PCLO: variants seen among roughly 807,000 people sequenced by gnomAD.
PCLO encodes protein piccolo.
A neutral mutation model predicts 427.5 loss-of-function variants in PCLO; 82 were observed. The observed-to-expected ratio is 0.19, with a 90% CI of 0.16 to 0.23. The LOEUF is 0.23. Among genes scored for constraint, PCLO ranks in the 10% least tolerant of loss-of-function variants. PCLO has a pLI of 1.00. For missense variants in PCLO, 6,239 were observed against 6,115.9 expected (o/e 1.02, Z -0.67); for synonymous variants, 2,357 against 2,155.4 (o/e 1.09, Z -2.59).
At chr7:82,921,697 T>G (rs1794598720) in intron 6 of PCLO, among the ~76,000 whole-genome samples, 1 of 151,984 alleles carries the variant, frequency 6.6e-6, no homozygotes, top group South Asian at 2.1e-4. Context: ...AAAGATTTCA[T>G]GATGAAGACT....
intron 3 of PCLO, among the ~76,000 whole-genome samples, chr7:82,975,694 G>A (rs1472529647): frequency 1.3e-5 from 2 of 152,126 alleles, no homozygotes; most frequent in Non-Finnish European, 2.9e-5. Context: ...TTGGCTCTGT[G>A]TCCCCACCAA....
At chr7:82,871,973 T>G (rs879939947) in intron 10 of PCLO, among the ~76,000 whole-genome samples, 4 of 151,984 alleles carry the variant, frequency 2.6e-5, no homozygotes, top group Non-Finnish European at 5.9e-5. Flanking sequence ...AACTTAATTC[T>G]TTGAGCTTAA....
At chr7:83,104,059 T>C (rs751726162) in intron 3 of PCLO, among the ~76,000 whole-genome samples, 8 of 152,016 alleles carry the variant, frequency 5.3e-5, no homozygotes, top group Non-Finnish European at 8.8e-5. Flanking sequence ...ATTAAAGCCT[T>C]TTATTCTCTA....
intron 6 of PCLO, among the ~76,000 whole-genome samples, chr7:82,920,680 C>G (rs1794575522): frequency 1.3e-5 from 2 of 151,506 alleles, no homozygotes. Context: ...GCAATTTATA[C>G]CATTTCTATA....
chr7:82,904,916 A>G (rs1198189406), intron 8 of PCLO, among the ~76,000 whole-genome samples: 2 of 152,056 alleles, frequency 1.3e-5, no homozygotes, highest in Non-Finnish European at 2.9e-5. Flanking sequence ...TCAGAAACAC[A>G]AAGCTGCCAT....
At position 82,862,882 on chromosome 7, in the gene PCLO, G is replaced by T. The variant is rs145472765; in HGVS notation, c.13655-15635C>A. Among the ~76,000 whole-genome samples, 1,305 of 152,046 alleles carry T rather than the reference G, an allele frequency of 8.6e-3. 14 individuals carry two copies. Among genetic ancestry groups the T allele is most frequent in the Admixed American group, 0.026 (391 of 15,224 alleles). ...ATAGTAGTAGGGAGTTGGAGGGAAGGTGGGGATGGTTAAAGGGTACAAAAA... is the reference window on the plus strand; with the variant it reads ...ATAGTAGTAGGGAGTTGGAGGGAAGTTGGGGATGGTTAAAGGGTACAAAAA... On this transcript the variant is annotated intron_variant, in intron 10 of 24. Coordinates refer to ENST00000333891, the MANE Select transcript of PCLO (RefSeq NM_033026.6).
intron 10 of PCLO, among the ~76,000 whole-genome samples, chr7:82,870,920 C>T (rs1188002400): frequency 6.6e-6 from 1 of 151,632 alleles, no homozygotes; most frequent in African/African-American, 2.4e-5. Flanking sequence ...AAAAATGGCT[C>T]TTTTCAAAAT....
chr7:83,142,429 T>C (rs1304349668), intron 2 of PCLO, among the ~76,000 whole-genome samples: 1 of 152,182 alleles, frequency 6.6e-6, no homozygotes, highest in African/African-American at 2.4e-5. Context: ...AGTAAGAGAT[T>C]CCCAGTCAAC....
intron 3 of PCLO, among the ~76,000 whole-genome samples, chr7:83,045,036 A>G (rs1320225043): frequency 6.6e-6 from 1 of 152,206 alleles, no homozygotes; most frequent in Admixed American, 6.5e-5. Context: ...CTTATAAACT[A>G]TGATAGTTGT....
intron 9 of PCLO, among the ~76,000 whole-genome samples, chr7:82,900,265 T>G (rs1163983860): frequency 6.6e-6 from 1 of 151,650 alleles, no homozygotes; most frequent in Non-Finnish European, 1.5e-5. Flanking sequence ...GTCCACATGT[T>G]CCATTGTCTA....
intron 3 of PCLO, among the ~76,000 whole-genome samples, chr7:83,020,157 C>T (rs908537704): frequency 2.6e-5 from 4 of 151,888 alleles, no homozygotes; most frequent in African/African-American, 9.7e-5. Context: ...TAAAGTAGAC[C>T]TTTTATTACT....
chr7:82,772,798 T>A (rs1382225636), intron 22 of PCLO, among the ~76,000 whole-genome samples: 1 of 152,202 alleles, frequency 6.6e-6, no homozygotes, highest in South Asian at 2.1e-4. Context: ...TTACTGTGTC[T>A]GAAAATAACC....
chr7:82,888,425 C>T (rs1255688216), intron 9 of PCLO, among the ~76,000 whole-genome samples: 1 of 152,168 alleles, frequency 6.6e-6, no homozygotes, highest in Non-Finnish European at 1.5e-5. Flanking sequence ...ATCCAAATCA[C>T]ATGGAGTAGC....
intron 22 of PCLO, among the ~76,000 whole-genome samples, chr7:82,800,850 G>A (rs1310580582): frequency 6.6e-6 from 1 of 151,978 alleles, no homozygotes; most frequent in Non-Finnish European, 1.5e-5. Flanking sequence ...CTCCCAAAGT[G>A]CTGGGATTTC....
intron 3 of PCLO, among the ~76,000 whole-genome samples, chr7:83,076,789 T>C (rs186851634): frequency 1.3e-5 from 2 of 151,906 alleles, no homozygotes; most frequent in Admixed American, 6.6e-5. Context: ...TAGCAATGAA[T>C]GACAATTTTC....
At chr7:82,968,693 C>T (rs181626887) in intron 3 of PCLO, among the ~76,000 whole-genome samples, 1 of 151,606 alleles carries the variant, frequency 6.6e-6, no homozygotes, top group East Asian at 1.9e-4. Flanking sequence ...CTATTTTTTG[C>T]ATTTTTAGTA....
chr7:83,019,235 T>C (rs1365424180), intron 3 of PCLO, among the ~76,000 whole-genome samples: 3 of 152,028 alleles, frequency 2.0e-5, no homozygotes, highest in Admixed American at 2.0e-4. Flanking sequence ...TTGTAAATAG[T>C]GTAGCTATTT....
intron 3 of PCLO, among the ~76,000 whole-genome samples, chr7:83,047,902 C>T (rs114959087): frequency 0.01 from 1,588 of 151,904 alleles, 22 homozygotes; most frequent in African/African-American, 0.036. Context: ...ACACACACCC[C>T]CACACCCACC....
chr7:82,884,675 C>T (rs1243240412), intron 9 of PCLO, among the ~76,000 whole-genome samples: 1 of 152,056 alleles, frequency 6.6e-6, no homozygotes, highest in Non-Finnish European at 1.5e-5. Flanking sequence ...GGGTCCAAAA[C>T]AAAATGATTA....
Sources: gnomAD v4.1 joint callset for allele counts (sites outside exome capture counted in the v4.1 genomes callset) on GRCh38, gnomAD v4.1.1 for gene constraint, MANE v1.5 for transcripts, NCBI Gene and HGNC (gene_info 2026-07-23, HGNC 2026-07-21) for gene names.